The following CCDC191 variants were observed in gnomAD, a reference collection of about 807,000 sequenced individuals.
CCDC191 encodes the protein coiled-coil domain-containing protein 191.
Under a neutral mutation model 114.0 loss-of-function variants are expected in CCDC191, and 99 were observed. The observed-to-expected ratio is 0.87, with a 90% confidence interval of 0.74 to 1.03. CCDC191 has a LOEUF of 1.03. Ranked by LOEUF, CCDC191 falls within the 50% of genes least tolerant of loss-of-function variation. The pLI, the probability that CCDC191 is intolerant of heterozygous loss-of-function variation, is 0.00. For missense variants in CCDC191, 973 were observed against 1,087.0 expected, an observed-to-expected ratio of 0.90 and a Z score of 1.47; for synonymous variants, 351 against 376.0, an observed-to-expected ratio of 0.93 and a Z score of 0.77.
At chr3:113,991,405 C>T (rs938323014) in intron 13 of CCDC191, among the ~76,000 whole-genome samples, 11 of 151,778 alleles carry the variant, frequency 7.2e-5, no homozygotes, top group African/African-American at 1.2e-4. Context: ...TGTAGTTTAC[C>T]GTATTAGTAG....
chr3:113,987,065 A>C (rs1350865407), intron 13 of CCDC191, among the ~76,000 whole-genome samples: 1 of 152,000 alleles, frequency 6.6e-6, no homozygotes, highest in African/African-American at 2.4e-5. Flanking sequence ...GAATTACAGT[A>C]GATGTCTTGT....
At chr3:114,003,312 C>A in intron 11 of CCDC191, 2 of 985,332 alleles carry the variant, frequency 2.0e-6, no homozygotes, top group Non-Finnish European at 2.4e-6. Context: ...ACTTTCAGTT[C>A]CTTGTGCCAT....
intron 2 of CCDC191, among the ~76,000 whole-genome samples, chr3:114,049,862 G>A (rs929840924): frequency 6.6e-6 from 1 of 152,050 alleles, no homozygotes; most frequent in Non-Finnish European, 1.5e-5. Flanking sequence ...CTATATTTAA[G>A]TAAAACATTT....
intron 2 of CCDC191, among the ~76,000 whole-genome samples, chr3:114,047,401 C>T (rs1186069111): frequency 6.6e-6 from 1 of 152,056 alleles, no homozygotes; most frequent in Non-Finnish European, 1.5e-5. Context: ...GTGGCTCATG[C>T]CTGTAATCAT....
intron 9 of CCDC191, among the ~76,000 whole-genome samples, chr3:114,006,607 TATATATATATAA>T (rs1280563705): frequency 1.6e-4 from 21 of 133,310 alleles, no homozygotes; most frequent in African/African-American, 4.8e-4. Context: ...TATATATATA[TATATATATATAA>T]ATATATATAT....
At chr3:114,000,270 G>C (rs2075829576) in intron 13 of CCDC191, among the ~76,000 whole-genome samples, 1 of 150,796 alleles carries the variant, frequency 6.6e-6, no homozygotes, top group Admixed American at 6.6e-5. Context: ...TCAAAAAGGA[G>C]GAGGAAGGAA....
chr3:114,048,288 C>T (rs2076657144), intron 2 of CCDC191, among the ~76,000 whole-genome samples: 1 of 152,198 alleles, frequency 6.6e-6, no homozygotes, highest in Non-Finnish European at 1.5e-5. Flanking sequence ...AATAGCCTCT[C>T]ACCACAGCAG....
At position 114,031,739 on chromosome 3, in the gene CCDC191, C is replaced by T; in HGVS notation, c.859G>A (p.Glu287Lys). ...RQEENSQNSS[E>K]KVMFQSTHIL... The stretch of plus-strand genomic sequence containing the variant: ...TGAGTACTTTGAAACATGACTTTTT[C>T]TGAACTATTTTGAGAATTCTCTTCT... The change falls in exon 7 of 17, where the codon GAA becomes AAA. Residue 287 changes from glutamate (E) to lysine (K), a missense_variant. Physicochemically the swap from Glu to Lys is moderately conservative, Grantham distance 56. Transcript: ENST00000295878. 6.6e-7 allele frequency: 1 copy of T among 1,514,988 alleles called. No homozygotes were observed. The highest frequency in any genetic ancestry group is 1.1e-5 in the South Asian group (1 of 88,414). The allele number at this position is 1,514,988 out of a possible 1,614,324, so 93.8% of individuals were successfully genotyped here. A position where few individuals can be genotyped will look rare whatever the true frequency, so the allele number is the denominator to read the frequency against.
chr3:114,025,303 A>C (rs569804848), intron 7 of CCDC191, among the ~76,000 whole-genome samples: 1 of 151,820 alleles, frequency 6.6e-6, no homozygotes, highest in East Asian at 1.9e-4. Flanking sequence ...CTGTTCTAAA[A>C]GCAGAAACAA....
chr3:113,968,220 A>G (rs1303880706), intron 16 of CCDC191, among the ~76,000 whole-genome samples: 1 of 152,160 alleles, frequency 6.6e-6, no homozygotes, highest in Non-Finnish European at 1.5e-5. Context: ...TCTGTTCTCT[A>G]TAATGGCTGT....
chr3:114,004,810 C>T, intron 10 of CCDC191, 64 bp from the exon 11 acceptor site: 1 of 1,542,508 alleles, frequency 6.5e-7, no homozygotes, highest in Non-Finnish European at 8.7e-7. Context: ...CTCCTTTGAC[C>T]TGAGATGCTC....
At chr3:114,013,443 T>C (rs917771899) in intron 8 of CCDC191, among the ~76,000 whole-genome samples, 1 of 152,146 alleles carries the variant, frequency 6.6e-6, no homozygotes, top group East Asian at 1.9e-4. Context: ...TTCTAAAAGA[T>C]AACACTAAAA....
intron 3 of CCDC191, among the ~76,000 whole-genome samples, chr3:114,043,409 T>C (rs893454592): frequency 1.3e-5 from 2 of 152,226 alleles, no homozygotes; most frequent in African/African-American, 2.4e-5. Context: ...CCCAGTGGAC[T>C]TATGCCAATG....
Position 114,005,893 on chromosome 3 carries a change from G to A in CCDC191, c.1483C>T (p.Leu495=). Residue 495 remains leucine (L), a synonymous_variant, in exon 10 of 17, where the codon CTG becomes TTG. Coordinates refer to ENST00000295878, the MANE Select transcript of CCDC191 (RefSeq NM_020817.2). ...AAGTTGCCTGTTGTTGTTCTTCCCA[G>A]GGGAGGACTGAGCATACAACCACTG... ...GSSGCMLSPP[L]GRTTTGNLQG... 2 of 1,614,052 alleles carry A rather than the reference G, an allele frequency of 1.2e-6. No homozygotes were observed. Among genetic ancestry groups the A allele is most frequent in the Non-Finnish European group, 1.7e-6 (2 of 1,179,980 alleles).
At position 113,965,181 on chromosome 3, in the gene CCDC191, T is replaced by G. The variant is rs377095209; in HGVS notation, c.2785A>C (p.Ser929Arg). 6.2e-7 allele frequency: 1 copy of G among 1,606,446 alleles called. No individual in the cohort carries two copies. The highest frequency in any genetic ancestry group is 1.3e-5 in the African/African-American group (1 of 74,640). Residue 929 changes from serine (S) to arginine (R), a missense_variant, in exon 17 of 17, where the codon AGT (serine) becomes CGT (arginine). By Grantham distance (110) the Ser-to-Arg change is moderately radical. Coordinates refer to ENST00000295878, the MANE Select transcript of CCDC191 (RefSeq NM_020817.2). ...CATTCGTTCACCAGACTTGTCTTAC[T>G]CAAGGACCAAGTATCTGATTGCTGA... is the stretch of plus-strand genomic sequence containing the variant. ...LYQQSDTWSL[S>R]KTSLVNE
At chr3:114,049,721 A>T (rs1293119375) in intron 2 of CCDC191, among the ~76,000 whole-genome samples, 2 of 152,224 alleles carry the variant, frequency 1.3e-5, no homozygotes, top group Admixed American at 1.3e-4. Context: ...CTTAAAATGA[A>T]GATTTGAGGA....
At chr3:114,017,752 G>A (rs1029484824) in intron 8 of CCDC191, among the ~76,000 whole-genome samples, 10 of 152,264 alleles carry the variant, frequency 6.6e-5, no homozygotes, top group African/African-American at 2.4e-4. Context: ...AGGATGAGGG[G>A]AGGAAACTTA....
chr3:114,047,439 A>T (rs2076645043), intron 2 of CCDC191, among the ~76,000 whole-genome samples: 2 of 152,124 alleles, frequency 1.3e-5, no homozygotes, highest in African/African-American at 4.8e-5. Flanking sequence ...AAATGGGAGG[A>T]CTGCCTAAGC....
chr3:114,042,198 G>A (rs897187784), intron 4 of CCDC191, among the ~76,000 whole-genome samples: 1 of 151,998 alleles, frequency 6.6e-6, no homozygotes, highest in East Asian at 1.9e-4. Context: ...AATACAGTTG[G>A]CCCTCCCTAT....
Sources: gnomAD v4.1 joint callset for allele counts (sites outside exome capture counted in the v4.1 genomes callset) on GRCh38, gnomAD v4.1.1 for gene constraint, MANE v1.5 for transcripts, NCBI Gene and HGNC (gene_info 2026-07-23, HGNC 2026-07-21) for gene names.